Variants in PHACTR2 observed in about 807,000 individuals in gnomAD.
The protein encoded by PHACTR2 is phosphatase and actin regulator 2, also known as chromosome 6 open reading frame 56.
In PHACTR2, 30 loss-of-function variants were observed where a neutral mutation model predicts 76.0. The observed-to-expected ratio is 0.39, with a 90% CI of 0.30 to 0.54. The LOEUF (loss-of-function observed/expected upper bound fraction) is 0.54. Among genes scored for constraint, PHACTR2 ranks in the 20% least tolerant of loss-of-function variants. PHACTR2 has a pLI of 0.61. For missense variants in PHACTR2, 696 were observed against 781.1 expected (o/e 0.89, Z 1.30); for synonymous variants, 292 against 292.5 (o/e 1.00, Z 0.02).
chr6:143,600,109 C>T (rs556701536), intron 1 of PHACTR2, among the ~76,000 whole-genome samples: 123 of 152,344 alleles, frequency 8.1e-4, no homozygotes, highest in East Asian at 6.9e-3. Flanking sequence ...GCCCGCCGTC[C>T]GGCCGGCATG....
At position 143,557,985 on chromosome 6, in the gene PHACTR2, C is replaced by T. The variant is rs1328771126; in HGVS notation, c.217+20778C>T. ...AAGGATGGATGGGATCCTTCATGTC[C>T]AGGTGTACCTCACCTGCTTCAGGAG... is the stretch of plus-strand genomic sequence containing the variant. On this transcript the variant is annotated intron_variant, in intron 1 of 11. Transcript: ENST00000367584. This position sits in a 1 kb window ranked among gnomAD's most constrained non-coding sequence, Gnocchi z 5.5. 2.6e-5 allele frequency: 4 copies of T among 152,066 alleles called. No homozygotes were observed. Among genetic ancestry groups the T allele is most frequent in the African/African-American group, 9.7e-5 (4 of 41,370 alleles). The allele number at this position is 152,066 out of a possible 1,614,324, so 9.4% of individuals were successfully genotyped here. A position where few individuals can be genotyped will look rare whatever the true frequency, so the allele number is the denominator to read the frequency against.
Position 143,709,290 on chromosome 6 carries a change from C to T in PHACTR2, c.47-2726C>T, listed in dbSNP as rs1778116557. 6.6e-6 allele frequency among the ~76,000 whole-genome samples: 1 copy of T among 152,192 alleles called. No individual in the cohort carries two copies. The highest frequency in any genetic ancestry group is 1.5e-5 in the Non-Finnish European group (1 of 68,038). The stretch of plus-strand genomic sequence containing the variant: ...GACTTGAATCTCCAATTTTCCCTAG[C>T]AATGCACAGTGTCTGCCCATCTCTG... On this transcript the variant is annotated intron_variant, in intron 1 of 12. Coordinates refer to ENST00000440869, the MANE Select transcript of PHACTR2 (RefSeq NM_001100164.2). This position sits in a 1 kb window ranked among gnomAD's most constrained non-coding sequence, Gnocchi z 4.4.
In PHACTR2 at chr6:143,806,313, T is replaced by C. The variant is rs1776063660; in HGVS notation, c.1846-744T>C. 6.6e-6 allele frequency among the ~76,000 whole-genome samples: 1 copy of C among 152,232 alleles called. No homozygotes were observed. The highest frequency in any genetic ancestry group is 2.4e-5 in the African/African-American group (1 of 41,460). ...ATTTTCTTTGGGTAGCTTTAAGGAT[T>C]ATGCTGAAATTATAAGTTCTATTTC... On this transcript the variant is annotated intron_variant, in intron 11 of 12. Transcript: ENST00000440869. The surrounding 1 kb of genome is among the most constrained non-coding windows in gnomAD (Gnocchi z 5.8).
At chr6:143,669,476 A>G (rs112208960) in intron 1 of PHACTR2, among the ~76,000 whole-genome samples, 1,786 of 152,284 alleles carry the variant, frequency 0.012, 44 homozygotes, top group African/African-American at 0.041. Context: ...GTGGGGTGTT[A>G]AAGTCTCCCA....
rs1562318947 is a variant in PHACTR2 at position 143,818,799 on chromosome 6, C to T, written c.1923-4875C>T. Among the ~76,000 whole-genome samples, 1 of 152,118 alleles carries T rather than the reference C, an allele frequency of 6.6e-6. No individual in the cohort carries two copies. Among genetic ancestry groups the T allele is most frequent in the Non-Finnish European group, 1.5e-5 (1 of 68,040 alleles). The stretch of plus-strand genomic sequence containing the variant: ...TCAATTACCTCCCACCAGGTCCCTC[C>T]CACAACATGTGGGGATTATGAGATT... On this transcript the variant is annotated intron_variant, in intron 12 of 12. Coordinates refer to ENST00000440869, the MANE Select transcript of PHACTR2 (RefSeq NM_001100164.2). This position sits in a 1 kb window ranked among gnomAD's most constrained non-coding sequence, Gnocchi z 4.9.
In PHACTR2 at chr6:143,772,614, T is replaced by C. The variant is rs1775183197; in HGVS notation, c.1432+157T>C. On this transcript the variant is annotated intron_variant, in intron 7 of 12. Transcript: ENST00000440869. This position sits in a 1 kb window ranked among gnomAD's most constrained non-coding sequence, Gnocchi z 5.4. ...TTAGAAATGTGTATATCCTAAAGTT[T>C]AGCTTTTGATGGGAGGCCTTTCCAG... Among the ~76,000 whole-genome samples the C allele has an allele frequency of 6.6e-6, 1 of 152,224 alleles. No individual in the cohort carries two copies. The highest frequency in any genetic ancestry group is 2.4e-5 in the African/African-American group (1 of 41,464).
chr6:143,745,960 G>A (rs1779056180), intron 2 of PHACTR2, among the ~76,000 whole-genome samples: 1 of 152,126 alleles, frequency 6.6e-6, no homozygotes, highest in African/African-American at 2.4e-5. Context: ...GAAGAAAGGG[G>A]GAATTTTTAG....
chr6:143,796,108 C>T (rs1223335989), intron 11 of PHACTR2, among the ~76,000 whole-genome samples: 1 of 152,200 alleles, frequency 6.6e-6, no homozygotes, highest in African/African-American at 2.4e-5. Flanking sequence ...TTTCCAGGAA[C>T]ACAGTGTCTA....
In PHACTR2 at chr6:143,633,047, A is replaced by G. The variant is rs1238663372; in HGVS notation, c.13+24725A>G. Among the ~76,000 whole-genome samples, 2 of 152,238 alleles carry G rather than the reference A, an allele frequency of 1.3e-5. No individual in the cohort carries two copies. The highest frequency in any genetic ancestry group is 2.1e-4 in the South Asian group (1 of 4,834). ...TGGTTACTTTCAAGTTTTGTCAATT[A>G]TGAATGAAGCTGCTATAAACATCTG... On this transcript the variant is annotated intron_variant, in intron 1 of 11. Transcript: ENST00000305766. This position sits in a 1 kb window ranked among gnomAD's most constrained non-coding sequence, Gnocchi z 4.1.
At position 143,789,952 on chromosome 6, in the gene PHACTR2, C is replaced by T. The variant is rs1482164034; in HGVS notation, c.1845+1042C>T. ...ACTCCAGGGATGTTTTAGGAAGAAG[C>T]AGCAGAAGAATATTGAGAAGAAATG... is the stretch of plus-strand genomic sequence containing the variant. On this transcript the variant is annotated intron_variant, in intron 11 of 12. Transcript: ENST00000440869. The surrounding 1 kb of genome is among the most constrained non-coding windows in gnomAD (Gnocchi z 5.1). Among the ~76,000 whole-genome samples the T allele has an allele frequency of 1.3e-5, 2 of 152,124 alleles. No individual in the cohort carries two copies. The highest frequency in any genetic ancestry group is 2.9e-5 in the Non-Finnish European group (2 of 68,022).
Position 143,662,835 on chromosome 6 carries a change from C to A in PHACTR2, c.14-49181C>A, listed in dbSNP as rs1776967364. 6.6e-6 allele frequency among the ~76,000 whole-genome samples: 1 copy of A among 151,886 alleles called. No individual in the cohort carries two copies. On this transcript the variant is annotated intron_variant, in intron 1 of 11. Coordinates refer to the PHACTR2 transcript ENST00000305766. This position sits in a 1 kb window ranked among gnomAD's most constrained non-coding sequence, Gnocchi z 4.7. ...TGCACCCAGACAGTGAGCAGAGTACCCAATAGGTAGTTTTTCAACCCACAT... is the reference window on the plus strand; with the variant it reads ...TGCACCCAGACAGTGAGCAGAGTACACAATAGGTAGTTTTTCAACCCACAT...
rs908464489 is a variant in PHACTR2 at position 143,697,056 on chromosome 6, A to G, written c.47-14960A>G. The stretch of plus-strand genomic sequence containing the variant: ...TAGTTCTACCTTGTAGTTCCGATAT[A>G]TTTAGTTAATTGAAAGCCTAAAATA... On this transcript the variant is annotated intron_variant, in intron 1 of 12. Coordinates refer to ENST00000440869, the MANE Select transcript of PHACTR2 (RefSeq NM_001100164.2). The surrounding 1 kb of genome is among the most constrained non-coding windows in gnomAD (Gnocchi z 4.4). Among the ~76,000 whole-genome samples, 3 of 152,190 alleles carry G rather than the reference A, an allele frequency of 2.0e-5. No individual in the cohort carries two copies. The highest frequency in any genetic ancestry group is 4.8e-5 in the African/African-American group (2 of 41,454).
chr6:143,829,279 A>G lies in PHACTR2; in HGVS notation c.*5590A>G, dbSNP rs1265770412. ...TTGTTACTGTCATGAGGATTGTTGC[A>G]TGGGTTAAACACAAACACAGACTAG... On this transcript the variant is annotated 3_prime_UTR_variant, in exon 13 of 13. Coordinates refer to ENST00000440869, the MANE Select transcript of PHACTR2 (RefSeq NM_001100164.2). 1 of 139,656 alleles carries G rather than the reference A, an allele frequency of 7.2e-6. No individual in the cohort carries two copies. The highest frequency in any genetic ancestry group is 2.7e-5 in the African/African-American group (1 of 36,464). 8.7% of individuals were successfully genotyped at this position (139,656 alleles called of 1,614,324 possible).
In PHACTR2 at chr6:143,710,412, G is replaced by C. The variant is rs1298552075; in HGVS notation, c.47-1604G>C. 1.3e-5 allele frequency among the ~76,000 whole-genome samples: 2 copies of C among 152,208 alleles called. No individual in the cohort carries two copies. The highest frequency in any genetic ancestry group is 4.8e-5 in the African/African-American group (2 of 41,454). Reference sequence around the variant, plus strand: ...AGGAATAAGAAAAAGTTAAGTTTGGGCTGCGTGTGGTGGCTCACGCCTGTA... The same window carrying C: ...AGGAATAAGAAAAAGTTAAGTTTGGCCTGCGTGTGGTGGCTCACGCCTGTA... On this transcript the variant is annotated intron_variant, in intron 1 of 12. Transcript: ENST00000440869. The surrounding 1 kb of genome is among the most constrained non-coding windows in gnomAD (Gnocchi z 4.9).
Position 143,830,579 on chromosome 6 carries a change from A to G in PHACTR2, c.*6890A>G, listed in dbSNP as rs1776646332. On this transcript the variant is annotated 3_prime_UTR_variant, in exon 13 of 13. Transcript: ENST00000440869. ...TATAAATATCTACAAGTATACACAC[A>G]TATGTACTTGTATTCCACTATTGTA... The G allele has an allele frequency of 6.6e-6, 1 of 152,210 alleles. No homozygotes were observed. 9.4% of individuals were successfully genotyped at this position (152,210 alleles called of 1,614,324 possible).
chr6:143,774,135 A>G lies in PHACTR2; in HGVS notation c.1509A>G (p.Leu503=). Residue 503 remains leucine, a synonymous_variant, in exon 8 of 13, where the codon CTA becomes CTG. Coordinates refer to ENST00000440869, the MANE Select transcript of PHACTR2 (RefSeq NM_001100164.2). The surrounding 1 kb of genome is among the most constrained non-coding windows in gnomAD (Gnocchi z 5.4). The part of the protein sequence containing the change: ...KLGNRPSKKE[L]EDKNILQRTS... The stretch of plus-strand genomic sequence containing the variant: ...GCAACAGACCATCTAAGAAAGAACT[A>G]GAGGACAAAAACATCTTGCAGCGTA... 2 of 1,613,986 alleles carry G rather than the reference A, an allele frequency of 1.2e-6. No homozygotes were observed. The highest frequency in any genetic ancestry group is 1.7e-6 in the Non-Finnish European group (2 of 1,179,806).
intron 4 of PHACTR2, among the ~76,000 whole-genome samples, chr6:143,756,481 G>A (rs1298549577): frequency 6.6e-6 from 1 of 151,138 alleles, no homozygotes; most frequent in African/African-American, 2.4e-5. Flanking sequence ...GGATCACGAG[G>A]TCAGGAGATC....
chr6:143,540,745 A>C (rs1213535194), intron 1 of PHACTR2, among the ~76,000 whole-genome samples: 1 of 152,172 alleles, frequency 6.6e-6, no homozygotes, highest in Non-Finnish European at 1.5e-5. Flanking sequence ...CAAAATCTAT[A>C]CAAAAAAGTT....
At chr6:143,564,773 T>C (rs1775338599) in intron 1 of PHACTR2, among the ~76,000 whole-genome samples, 1 of 152,168 alleles carries the variant, frequency 6.6e-6, no homozygotes, top group South Asian at 2.1e-4. Context: ...AGAATCTCAA[T>C]GGCAAAGTCA....
Sources: gnomAD v4.1 joint callset for allele counts (sites outside exome capture counted in the v4.1 genomes callset) on GRCh38, gnomAD v4.1.1 for gene constraint, Gnocchi (gnomAD v3.1) non-coding constraint, MANE v1.5 for transcripts, NCBI Gene and HGNC (gene_info 2026-07-23, HGNC 2026-07-21) for gene names.